ZNF608: variants seen among roughly 807,000 people sequenced by gnomAD.
ZNF608 encodes renal carcinoma antigen NY-REN-36.
In ZNF608, 12 loss-of-function variants were observed where a neutral mutation model predicts 109.0. The observed-to-expected ratio is 0.11, with a 90% CI of 0.07 to 0.18. ZNF608 has a LOEUF of 0.18. Ranked by LOEUF, ZNF608 falls within the 10% of genes least tolerant of loss-of-function variation. The pLI, the probability that ZNF608 is intolerant of heterozygous loss-of-function variation, is 1.00. For synonymous variants in ZNF608, 732 were observed against 717.4 expected (o/e 1.02, Z -0.33); for missense variants, 1,707 against 1,879.3 (o/e 0.91, Z 1.70).
At position 124,646,897 on chromosome 5, in the gene ZNF608, T is replaced by C. The variant is rs370455068; in HGVS notation, c.3487A>G (p.Asn1163Asp). 2.4e-5 allele frequency: 38 copies of C among 1,614,096 alleles called. No individual in the cohort carries two copies. The highest frequency in any genetic ancestry group is 3.2e-5 in the Non-Finnish European group (38 of 1,180,026). The change falls in exon 5 of 10, where the codon AAC becomes GAC. Residue 1163 changes from asparagine (N) to aspartate (D), a missense_variant. This residue lies in a region of ZNF608 where 1,073 missense variants were observed against 1,133.5 expected (regional missense o/e 0.95). Coordinates refer to ENST00000513986, the MANE Select transcript of ZNF608 (RefSeq NM_020747.3). Reference sequence around the variant, plus strand: ...GGCCCTAGTTTAGAATGGTTTTTGTTAGGCTCCGGAGTAGAGGGAGCTTTT... The same window carrying C: ...GGCCCTAGTTTAGAATGGTTTTTGTCAGGCTCCGGAGTAGAGGGAGCTTTT... ...ISKAPSTPEPNKNHSKLGPSV... is the reference protein window; with the variant it reads ...ISKAPSTPEPDKNHSKLGPSV...
intron 3 of ZNF608, among the ~76,000 whole-genome samples, chr5:124,654,850 C>T (rs1213262241): frequency 6.6e-6 from 1 of 152,096 alleles, no homozygotes; most frequent in Non-Finnish European, 1.5e-5. Flanking sequence ...CATCTGGGAC[C>T]CTGAATGACA....
At chr5:124,642,351 A>G (rs1455637404) in intron 7 of ZNF608, among the ~76,000 whole-genome samples, 1 of 152,210 alleles carries the variant, frequency 6.6e-6, no homozygotes, top group Non-Finnish European at 1.5e-5. Context: ...AAAACAGCAG[A>G]CACAGCTCTC....
In ZNF608 at chr5:124,731,952, G is replaced by C. The variant is rs1748931215; in HGVS notation, c.906+12132C>G. The stretch of plus-strand genomic sequence containing the variant: ...TGAGCAATGGCACATTAAAAAGTAA[G>C]TAGCAGTTTGACAAAACTGAAACTA... On this transcript the variant is annotated intron_variant, in intron 2 of 9. Coordinates refer to ENST00000513986, the MANE Select transcript of ZNF608 (RefSeq NM_020747.3). Among the ~76,000 whole-genome samples the C allele has an allele frequency of 2.6e-5, 4 of 152,184 alleles. No individual in the cohort carries two copies. In the South Asian group the frequency reaches 8.3e-4, roughly 32 times the overall value.
rs187259120 is a variant in ZNF608 at position 124,641,911 on chromosome 5, A to G, written c.4297-506T>C. Among the ~76,000 whole-genome samples, 628 of 152,308 alleles carry G rather than the reference A, an allele frequency of 4.1e-3. 4 individuals carry two copies. Among genetic ancestry groups the G allele is most frequent in the Non-Finnish European group, 6.3e-3 (427 of 68,018 alleles). On this transcript the variant is annotated intron_variant, in intron 7 of 9. Transcript: ENST00000513986. The stretch of plus-strand genomic sequence containing the variant: ...CACAAGAAATCACTGTCCTACACCC[A>G]CATTTTGAATCTCTCAATTTTTGAA...
rs780520000 is a variant in ZNF608, at chr5:124,648,231, T to C, written c.2153A>G (p.Lys718Arg). 5 of 1,614,134 alleles carry C rather than the reference T, an allele frequency of 3.1e-6. No individual in the cohort carries two copies. The East Asian group carries it at 1.1e-4, about 36-fold the overall frequency. ...KKNLGDKEKG[K>R]KATNCKTDKN... ...GTCCGTTTTGCAGTTGGTAGCTTTT[T>C]TGCCCTTTTCTTTATCTCCTAAATT... The change falls in exon 5 of 10, where the codon AAA becomes AGA. Residue 718 changes from lysine to arginine, a missense_variant. Coordinates refer to ENST00000513986, the MANE Select transcript of ZNF608 (RefSeq NM_020747.3).
intron 9 of ZNF608, 31 bp downstream of exon 9, chr5:124,639,102 A>G: frequency 6.2e-7 from 1 of 1,600,556 alleles, no homozygotes; most frequent in Non-Finnish European, 8.6e-7. Flanking sequence ...ATTTCTATCT[A>G]CAACTAATTA....
intron 2 of ZNF608, among the ~76,000 whole-genome samples, chr5:124,714,056 A>G (rs1753600279): frequency 6.6e-6 from 1 of 152,198 alleles, no homozygotes; most frequent in Non-Finnish European, 1.5e-5. Flanking sequence ...TATACCAGCC[A>G]TTGTGCTGGG....
intron 9 of ZNF608, among the ~76,000 whole-genome samples, chr5:124,638,258 T>G (rs1169956020): frequency 6.6e-6 from 1 of 151,438 alleles, no homozygotes; most frequent in Non-Finnish European, 1.5e-5. Flanking sequence ...CCAACAGTTT[T>G]TTTTTTTTTT....
At chr5:124,688,347 T>G (rs1310308946) in intron 3 of ZNF608, among the ~76,000 whole-genome samples, 1 of 152,180 alleles carries the variant, frequency 6.6e-6, no homozygotes, top group East Asian at 1.9e-4. Context: ...TGCTTCCTCC[T>G]GCTGAACAAT....
intron 3 of ZNF608, among the ~76,000 whole-genome samples, chr5:124,693,998 G>T: frequency 2.9e-4 from 1 of 3,460 alleles, no homozygotes. Flanking sequence ...TTTTTTGAGA[G>T]AGAGTCTCGC....
At chr5:124,641,862 C>T (rs1324305234) in intron 7 of ZNF608, among the ~76,000 whole-genome samples, 1 of 152,168 alleles carries the variant, frequency 6.6e-6, no homozygotes, top group East Asian at 1.9e-4. Context: ...AAAACATGCT[C>T]TAAAGTTATA....
chr5:124,669,696 A>T (rs781085797), intron 3 of ZNF608, among the ~76,000 whole-genome samples: 3 of 151,152 alleles, frequency 2.0e-5, no homozygotes, highest in African/African-American at 7.3e-5. Context: ...CTCCTGGAGG[A>T]TGGTATAGAT....
At chr5:124,663,502 G>A (rs1159436636) in intron 3 of ZNF608, among the ~76,000 whole-genome samples, 1 of 152,206 alleles carries the variant, frequency 6.6e-6, no homozygotes, top group African/African-American at 2.4e-5. Flanking sequence ...GAAAGCACAT[G>A]TTGACATTTC....
At chr5:124,687,522 T>G (rs1297110042) in intron 3 of ZNF608, among the ~76,000 whole-genome samples, 3 of 152,226 alleles carry the variant, frequency 2.0e-5, no homozygotes, top group Non-Finnish European at 4.4e-5. Flanking sequence ...AATTTACTAT[T>G]CAATTCCAAG....
At chr5:124,650,317 G>C (rs10056807) in intron 3 of ZNF608, among the ~76,000 whole-genome samples, 27,699 of 152,086 alleles carry the variant, frequency 0.18, 2,749 homozygotes, top group Middle Eastern at 0.23. Context: ...CCTGGGTACC[G>C]TATCTGTTTC....
At chr5:124,661,483 G>GAA (rs34532609) in intron 3 of ZNF608, among the ~76,000 whole-genome samples, 27 of 136,416 alleles carry the variant, frequency 2.0e-4, no homozygotes, top group Admixed American at 1.2e-3. Context: ...TTTCAGGGAA[G>GAA]AAAAAAAAAA....
chr5:124,721,024 C>T (rs2149878641), intron 2 of ZNF608, among the ~76,000 whole-genome samples: 1 of 152,164 alleles, frequency 6.6e-6, no homozygotes, highest in East Asian at 1.9e-4. Context: ...AAAAATCTGC[C>T]TAATGCAGAT....
chr5:124,641,450 C>A, intron 7 of ZNF608, 45 bp from the exon 8 acceptor site: 1 of 1,569,702 alleles, frequency 6.4e-7, no homozygotes, highest in South Asian at 1.2e-5. Flanking sequence ...CTCTGAAAAT[C>A]AACTTTTAAG....
chr5:124,648,752 G>A lies in ZNF608; in HGVS notation c.1632C>T (p.Asp544=). Residue 544 remains aspartate (D), a synonymous_variant, in exon 5 of 10, where the codon GAC becomes GAT. Transcript: ENST00000513986. ...PQGKPETTFL[D]QGCSSPVLID... is the part of the protein sequence containing the mutation. ...TTAACACTGGAGAAGAGCAGCCTTG[G>A]TCCAAAAAAGTAGTCTCTGGTTTCC... The A allele has an allele frequency of 6.2e-7, 1 of 1,614,204 alleles. No individual in the cohort carries two copies. Among genetic ancestry groups the A allele is most frequent in the Non-Finnish European group, 8.5e-7 (1 of 1,180,038 alleles).
Sources: allele counts gnomAD v4.1 joint callset (sites outside exome capture counted in the v4.1 genomes callset), GRCh38; gene constraint gnomAD v4.1.1; regional missense constraint gnomAD v4.1.1; transcripts MANE v1.5; gene names NCBI Gene and HGNC (gene_info 2026-07-23, HGNC 2026-07-21).